NAALAD2: variants seen among roughly 807,000 people sequenced by gnomAD.
The protein encoded by NAALAD2 is N-acetylated-alpha-linked acidic dipeptidase 2.
NAALAD2 carries 89 observed loss-of-function variants against 95.6 expected under a neutral mutation model. That is an observed-to-expected ratio of 0.93 (90% CI 0.78 to 1.11). The LOEUF is 1.11. Among genes scored for constraint, NAALAD2 ranks in the 50% least tolerant of loss-of-function variants. NAALAD2 has a pLI of 0.00. For synonymous variants in NAALAD2, 264 were observed against 294.4 expected, an observed-to-expected ratio of 0.90 and a Z score of 1.06; for missense variants, 894 against 872.4, an observed-to-expected ratio of 1.02 and a Z score of -0.31.
In NAALAD2 at chr11:90,154,841, T is replaced by G. The variant is rs1364212563; in HGVS notation, c.796+2357T>G. Among the ~76,000 whole-genome samples, 3 of 146,816 alleles carry G rather than the reference T, an allele frequency of 2.0e-5. No individual in the cohort carries two copies. The East Asian group carries it at 5.9e-4, about 29-fold the overall frequency. On this transcript the variant is annotated intron_variant, in intron 6 of 18. Transcript: ENST00000534061. ...ATGTAATATGTAATGTTACATAGTA[T>G]ATACGTATACATAATATGTATATAT...
At chr11:90,137,744 C>G (rs1246390066) in intron 2 of NAALAD2, among the ~76,000 whole-genome samples, 1 of 152,172 alleles carries the variant, frequency 6.6e-6, no homozygotes, top group Non-Finnish European at 1.5e-5. Context: ...GCTGGGACTA[C>G]AGACATGCAT....
intron 11 of NAALAD2, among the ~76,000 whole-genome samples, chr11:90,166,159 C>T (rs1952435930): frequency 1.3e-5 from 2 of 152,216 alleles, no homozygotes; most frequent in Non-Finnish European, 2.9e-5. Flanking sequence ...GCCATAACCA[C>T]ACACAGCTTT....
At chr11:90,134,964 T>C in intron 1 of NAALAD2, 124 bp downstream of exon 1, 1 of 995,106 alleles carries the variant, frequency 1.0e-6, no homozygotes, top group Non-Finnish European at 1.6e-6. Context: ...GGGCTAGATA[T>C]GATAAACTCT....
chr11:90,188,679 GA>G (rs1184600770), intron 18 of NAALAD2, among the ~76,000 whole-genome samples: 3 of 152,172 alleles, frequency 2.0e-5, no homozygotes, highest in Non-Finnish European at 4.4e-5. Context: ...CGAATTTGGG[GA>G]ATGAACACAT....
At chr11:90,137,691 T>C (rs1243070088) in intron 2 of NAALAD2, among the ~76,000 whole-genome samples, 1 of 152,018 alleles carries the variant, frequency 6.6e-6, no homozygotes, top group African/African-American at 2.4e-5. Context: ...GCAACCTCCA[T>C]GTCCTAGGCT....
chr11:90,142,898 G>T (rs1049237597), intron 2 of NAALAD2, among the ~76,000 whole-genome samples: 1 of 151,824 alleles, frequency 6.6e-6, no homozygotes, highest in African/African-American at 2.4e-5. Flanking sequence ...TACTCTAAAG[G>T]TTATATTATA....
chr11:90,145,537 A>T (rs1482031646), intron 2 of NAALAD2, among the ~76,000 whole-genome samples: 1 of 152,210 alleles, frequency 6.6e-6, no homozygotes, highest in Admixed American at 6.5e-5. Context: ...ATATAAAATA[A>T]CTTCTGTCTG....
chr11:90,135,602 C>T lies in NAALAD2; in HGVS notation c.126C>T (p.Arg42=), dbSNP rs752541734. 1.8e-5 allele frequency: 29 copies of T among 1,613,194 alleles called. No individual in the cohort carries two copies. The South Asian group carries it at 2.7e-4, about 15-fold the overall frequency. The change falls in exon 2 of 19, where the codon CGC becomes CGT. Residue 42 remains arginine (R), a synonymous_variant. Coordinates refer to ENST00000534061, the MANE Select transcript of NAALAD2 (RefSeq NM_005467.4). ...TCAAAGAAACGACCACTTCTGTGCG[C>T]TATCATCAAAGTATACGGTGGAAAC... ...KPLKETTTSV[R]YHQSIRWKLV... is the part of the protein sequence containing the mutation.
chr11:90,177,769 A>C, intron 15 of NAALAD2, 84 bp from the exon 16 acceptor site: 1 of 1,330,744 alleles, frequency 7.5e-7, no homozygotes, highest in South Asian at 1.5e-5. Context: ...TATTTTTTCT[A>C]TAGTTATTTT....
At chr11:90,138,273 G>A (rs991177073) in intron 2 of NAALAD2, among the ~76,000 whole-genome samples, 2 of 152,086 alleles carry the variant, frequency 1.3e-5, no homozygotes, top group Non-Finnish European at 2.9e-5. Context: ...ACATTGAGTA[G>A]GCTGAGGAGG....
Position 90,191,563 on chromosome 11 carries a change from T to A in NAALAD2, c.2039T>A (p.Ile680Asn). 1 of 1,583,034 alleles carries A rather than the reference T, an allele frequency of 6.3e-7. No individual in the cohort carries two copies. The highest frequency in any genetic ancestry group is 8.6e-7 in the Non-Finnish European group (1 of 1,166,154). ...GLPGKLFYRH[I>N]IFAPSSHNKY... ...CCTTGTTTTCTTCCTTTTAGGCACA[T>A]CATATTTGCTCCAAGTAGCCACAAC... The change falls in exon 19 of 19, where the codon ATC becomes AAC. Residue 680 changes from isoleucine to asparagine, a missense_variant. Ile to Asn is a moderately radical substitution (Grantham distance 149). Transcript: ENST00000534061.
intron 8 of NAALAD2, among the ~76,000 whole-genome samples, chr11:90,160,373 A>T (rs541162221): frequency 2.0e-5 from 3 of 152,304 alleles, no homozygotes; most frequent in African/African-American, 7.2e-5. Context: ...ATCAGAGTGC[A>T]TATAGCTGTT....
chr11:90,173,929 A>G lies in NAALAD2; in HGVS notation c.1502+14A>G, dbSNP rs530825354. ...AAATTTGCCTAGGTAAGTTACTGATATGCACCTTTTCTACTGTAGGATAAG... is the reference window on the plus strand; with the variant it reads ...AAATTTGCCTAGGTAAGTTACTGATGTGCACCTTTTCTACTGTAGGATAAG... On this transcript the variant is annotated intron_variant, in intron 14 of 18. Coordinates refer to ENST00000534061, the MANE Select transcript of NAALAD2 (RefSeq NM_005467.4). 1 of 1,535,610 alleles carries G rather than the reference A, an allele frequency of 6.5e-7. No individual in the cohort carries two copies. The highest frequency in any genetic ancestry group is 1.7e-5 in the Admixed American group (1 of 58,476).
At chr11:90,144,135 A>G (rs1017758405) in intron 2 of NAALAD2, among the ~76,000 whole-genome samples, 2 of 152,152 alleles carry the variant, frequency 1.3e-5, no homozygotes, top group Non-Finnish European at 1.5e-5. Flanking sequence ...AAAATTACAC[A>G]CCAAGAATGA....
rs778430605 is a variant in NAALAD2, at chr11:90,191,564, C to A, written c.2040C>A (p.Ile680=). Residue 680 remains isoleucine, a synonymous_variant, in exon 19 of 19, where the codon ATC becomes ATA. Coordinates refer to ENST00000534061, the MANE Select transcript of NAALAD2 (RefSeq NM_005467.4). ...CTTGTTTTCTTCCTTTTAGGCACATCATATTTGCTCCAAGTAGCCACAACA... is the reference window on the plus strand; with the variant it reads ...CTTGTTTTCTTCCTTTTAGGCACATAATATTTGCTCCAAGTAGCCACAACA... ...GLPGKLFYRH[I]IFAPSSHNKY... 3 of 1,582,074 alleles carry A rather than the reference C, an allele frequency of 1.9e-6. No individual in the cohort carries two copies. The East Asian group carries it at 6.8e-5, about 36-fold the overall frequency.
In NAALAD2 at chr11:90,136,659, A is replaced by C. The variant is rs543856165; in HGVS notation, c.194+989A>C. Among the ~76,000 whole-genome samples the C allele has an allele frequency of 1.8e-3, 267 of 152,274 alleles. 2 individuals carry two copies. Among genetic ancestry groups the C allele is most frequent in the African/African-American group, 6.4e-3 (264 of 41,558 alleles). ...TGCAGACTAGAATTCCATTGTATGG[A>C]TATATTGCAATGTATAATTGATGGA... On this transcript the variant is annotated intron_variant, in intron 2 of 18. Coordinates refer to ENST00000534061, the MANE Select transcript of NAALAD2 (RefSeq NM_005467.4).
chr11:90,167,430 C>G (rs868667627), intron 11 of NAALAD2, among the ~76,000 whole-genome samples: 6 of 152,162 alleles, frequency 3.9e-5, no homozygotes, highest in Non-Finnish European at 7.4e-5. Context: ...CCTGCGCCCC[C>G]GCCGCGGCCG....
intron 6 of NAALAD2, among the ~76,000 whole-genome samples, chr11:90,155,859 T>A (rs1952100018): frequency 7.0e-6 from 1 of 142,514 alleles, no homozygotes; most frequent in Non-Finnish European, 1.5e-5. Context: ...ATATATTATA[T>A]TATATATAAT....
intron 18 of NAALAD2, among the ~76,000 whole-genome samples, chr11:90,190,732 T>C (rs1857298038): frequency 6.6e-6 from 1 of 152,162 alleles, no homozygotes; most frequent in Admixed American, 6.5e-5. Flanking sequence ...AATCCTGATG[T>C]ACTTTGGTAA....
Sources: allele counts gnomAD v4.1 joint callset (sites outside exome capture counted in the v4.1 genomes callset), GRCh38; gene constraint gnomAD v4.1.1; transcripts MANE v1.5; gene names NCBI Gene and HGNC (gene_info 2026-07-23, HGNC 2026-07-21).